The following CA10 variants were observed in gnomAD, a reference collection of about 807,000 sequenced individuals.
CA10 encodes the protein carbonic anhydrase-related protein 10.
CA10 carries 14 observed loss-of-function variants against 44.2 expected under a neutral mutation model. That is an observed-to-expected ratio of 0.32 (90% CI 0.21 to 0.50). CA10 has a LOEUF of 0.50. Among genes scored for constraint, CA10 ranks in the 20% least tolerant of loss-of-function variants. The probability of loss-of-function intolerance (pLI) is 0.99; values close to 1 mark genes in which losing one functional copy is unlikely to be tolerated. For synonymous variants in CA10, 159 were observed against 141.6 expected (o/e 1.12, Z -0.87); for missense variants, 350 against 409.7 (o/e 0.85, Z 1.26).
chr17:51,735,385 G>T (rs1183393706), intron 4 of CA10, among the ~76,000 whole-genome samples: 2 of 152,068 alleles, frequency 1.3e-5, no homozygotes, highest in Admixed American at 1.3e-4. Flanking sequence ...CTACTGGAGG[G>T]GCAGGGAGAG....
chr17:51,936,615 G>C (rs1284164547), intron 2 of CA10, among the ~76,000 whole-genome samples: 1 of 152,168 alleles, frequency 6.6e-6, no homozygotes, highest in African/African-American at 2.4e-5. Context: ...AAATGAGATG[G>C]GGGCTGGCTG....
chr17:51,653,828 A>G, intron 4 of CA10, 92 bp from the exon 5 acceptor site: 1 of 735,826 alleles, frequency 1.4e-6, no homozygotes, highest in Admixed American at 2.0e-5. Context: ...GTGAACTGCA[A>G]AGTATATTGA....
chr17:51,887,862 A>G (rs1190365971), intron 3 of CA10, among the ~76,000 whole-genome samples: 1 of 151,510 alleles, frequency 6.6e-6, no homozygotes, highest in Admixed American at 6.6e-5. Flanking sequence ...AAAGAAAAAA[A>G]AAAAAGAAAA....
intron 2 of CA10, among the ~76,000 whole-genome samples, chr17:52,017,299 A>G (rs1351634491): frequency 2.6e-5 from 4 of 152,164 alleles, no homozygotes; most frequent in Non-Finnish European, 2.9e-5. Context: ...AGAAAGATGA[A>G]GGAAAGTTTG....
At chr17:52,141,540 G>A (rs1261816503) in intron 1 of CA10, among the ~76,000 whole-genome samples, 1 of 152,178 alleles carries the variant, frequency 6.6e-6, no homozygotes, top group South Asian at 2.1e-4. Context: ...CATGTTTTAG[G>A]CTTTGCAGGC....
intron 2 of CA10, among the ~76,000 whole-genome samples, chr17:51,957,035 T>G (rs1269697562): frequency 2.0e-5 from 3 of 152,158 alleles, no homozygotes; most frequent in Non-Finnish European, 4.4e-5. Context: ...TGGCCCAGAT[T>G]GCTTTTATTT....
chr17:52,060,484 G>T (rs1361788872), intron 2 of CA10, among the ~76,000 whole-genome samples: 3 of 152,068 alleles, frequency 2.0e-5, no homozygotes, highest in African/African-American at 4.8e-5. Flanking sequence ...CTAATGTAAG[G>T]CATTAAATTA....
intron 6 of CA10, 94 bp downstream of exon 6, chr17:51,649,087 AG>A: frequency 1.3e-6 from 1 of 798,064 alleles, no homozygotes; most frequent in South Asian, 1.6e-5. Flanking sequence ...GAAACTGAAA[AG>A]GGCCCATGGA....
intron 3 of CA10, among the ~76,000 whole-genome samples, chr17:51,849,231 G>GTATATATACATATA (rs1441221955): frequency 1.8e-5 from 1 of 55,882 alleles, no homozygotes; most frequent in South Asian, 8.9e-4. Context: ...ATATATGTGT[G>GTATATATACATATA]TGTATATATA....
chr17:51,660,222 G>A (rs8076197), intron 4 of CA10, among the ~76,000 whole-genome samples: 67,011 of 152,066 alleles, frequency 0.44, 15,743 homozygotes, highest in Admixed American at 0.53. Context: ...GAAGACCATG[G>A]AGAGCTTGGC....
chr17:51,912,217 C>G (rs770565998), intron 3 of CA10, among the ~76,000 whole-genome samples: 1 of 152,120 alleles, frequency 6.6e-6, no homozygotes, highest in Non-Finnish European at 1.5e-5. Context: ...TTTCAAGGGT[C>G]AGCTATTTCT....
At chr17:51,885,348 C>T (rs1016716988) in intron 3 of CA10, among the ~76,000 whole-genome samples, 1 of 152,148 alleles carries the variant, frequency 6.6e-6, no homozygotes, top group Admixed American at 6.5e-5. Flanking sequence ...ACAAACTGGG[C>T]CTCACTGAAG....
At chr17:51,858,359 C>T (rs947423772) in intron 3 of CA10, among the ~76,000 whole-genome samples, 1 of 152,086 alleles carries the variant, frequency 6.6e-6, no homozygotes, top group African/African-American at 2.4e-5. Flanking sequence ...ACTGGGACAA[C>T]GAGGAAAATG....
At chr17:52,080,183 T>G (rs973058228) in intron 1 of CA10, among the ~76,000 whole-genome samples, 1 of 152,216 alleles carries the variant, frequency 6.6e-6, no homozygotes, top group Non-Finnish European at 1.5e-5. Context: ...CCAGGCGCAG[T>G]GGCTCACGCC....
At chr17:51,720,247 C>T (rs1916310070) in intron 4 of CA10, among the ~76,000 whole-genome samples, 1 of 152,194 alleles carries the variant, frequency 6.6e-6, no homozygotes, top group Admixed American at 6.5e-5. Context: ...TGGAAACCTA[C>T]TGCAGTGAGG....
intron 4 of CA10, among the ~76,000 whole-genome samples, chr17:51,667,058 C>T (rs2143333892): frequency 6.6e-6 from 1 of 152,330 alleles, no homozygotes; most frequent in East Asian, 1.9e-4. Context: ...TTTGAACAAT[C>T]CAGGGATAGT....
chr17:51,818,790 C>T (rs1189604577), intron 3 of CA10, among the ~76,000 whole-genome samples: 1 of 152,182 alleles, frequency 6.6e-6, no homozygotes, highest in East Asian at 1.9e-4. Context: ...TTATTTCCCT[C>T]CTGCAGATTC....
intron 2 of CA10, among the ~76,000 whole-genome samples, chr17:52,030,768 T>TC (rs1487612982): frequency 3.3e-5 from 5 of 152,102 alleles, no homozygotes; most frequent in African/African-American, 1.2e-4. Flanking sequence ...TGGGATACAC[T>TC]CTTCCTCTCT....
intron 3 of CA10, among the ~76,000 whole-genome samples, chr17:51,838,497 C>A (rs1006831042): frequency 6.6e-6 from 1 of 152,218 alleles, no homozygotes; most frequent in South Asian, 2.1e-4. Flanking sequence ...GTGGCTTGTG[C>A]ACTAACTCAA....
Sources: gnomAD v4.1 joint callset for allele counts (sites outside exome capture counted in the v4.1 genomes callset) on GRCh38, gnomAD v4.1.1 for gene constraint, MANE v1.5 for transcripts, NCBI Gene and HGNC (gene_info 2026-07-23, HGNC 2026-07-21) for gene names.